GPI: variants seen among roughly 807,000 people sequenced by gnomAD.
GPI encodes D-hexose-6-phosphate anomerase.
In GPI, 56 loss-of-function variants were observed where a neutral mutation model predicts 75.8. The observed-to-expected ratio is 0.74, with a 90% CI of 0.60 to 0.92. The LOEUF (loss-of-function observed/expected upper bound fraction) is 0.92, where lower values mean the gene tolerates loss of function less well. Among genes scored for constraint, GPI ranks in the 40% least tolerant of loss-of-function variants. The pLI is 0.00. For synonymous variants in GPI, 288 were observed against 285.4 expected (o/e 1.01, Z -0.09); for missense variants, 638 against 741.0 (o/e 0.86, Z 1.61).
At chr19:34,376,184 G>T (rs1294132891) in intron 4 of GPI, among the ~76,000 whole-genome samples, 1 of 152,206 alleles carries the variant, frequency 6.6e-6, no homozygotes, top group East Asian at 1.9e-4. Context: ...AACACTTTGG[G>T]AGGTCAAGAT....
chr19:34,366,166 G>A (rs2074360966), intron 1 of GPI, 179 bp from the exon 2 acceptor site: 1 of 701,178 alleles, frequency 1.4e-6, no homozygotes, highest in East Asian at 2.7e-5. Context: ...CTGGGCTGCT[G>A]TTGCAGATCA....
intron 14 of GPI, chr19:34,398,275 G>A (rs2074972635): frequency 6.6e-6 from 1 of 151,980 alleles, no homozygotes; most frequent in African/African-American, 2.4e-5. Flanking sequence ...AGCTGCCCTC[G>A]AACTCCTTCA....
intron 4 of GPI, among the ~76,000 whole-genome samples, chr19:34,371,419 G>T (rs1455259968): frequency 1.2e-4 from 18 of 152,276 alleles, no homozygotes; most frequent in African/African-American, 4.1e-4. Flanking sequence ...GCACCAATAG[G>T]GATTAGGGAG....
At chr19:34,366,894 T>C (rs772559766) in intron 3 of GPI, 43 bp downstream of exon 3, 1 of 1,386,126 alleles carries the variant, frequency 7.2e-7, no homozygotes, top group Non-Finnish European at 1.0e-6. Flanking sequence ...CTTCCTTCCC[T>C]TTGGGGTTTA....
At chr19:34,360,931 C>T (rs956694079), upstream of GPI, among the ~76,000 whole-genome samples, 4 of 152,114 alleles carry the variant, frequency 2.6e-5, no homozygotes, top group Non-Finnish European at 4.4e-5. Context: ...GTGTCCGCCA[C>T]CACGCCTGGC....
chr19:34,398,431 G>C (rs2074974544), intron 14 of GPI: 1 of 152,052 alleles, frequency 6.6e-6, no homozygotes, highest in South Asian at 2.1e-4. Context: ...GGAACCCAAG[G>C]CTCTACTAGA....
upstream of GPI, among the ~76,000 whole-genome samples, chr19:34,363,606 G>C (rs1220914285): frequency 6.6e-6 from 1 of 152,192 alleles, no homozygotes; most frequent in Non-Finnish European, 1.5e-5. Context: ...CGGATAATGA[G>C]GTCAAGAGAT....
At chr19:34,378,021 A>G in intron 6 of GPI, 140 bp downstream of exon 6, 1 of 818,654 alleles carries the variant, frequency 1.2e-6, no homozygotes, top group Non-Finnish European at 2.1e-6. Context: ...AGGTCAGTAC[A>G]GCTGCCCTAG....
chr19:34,377,740 C>A lies in GPI; in HGVS notation c.492C>A (p.Pro164=). 1 of 1,613,996 alleles carries A rather than the reference C, an allele frequency of 6.2e-7. No homozygotes were observed. Among genetic ancestry groups the A allele is most frequent in the Non-Finnish European group, 8.5e-7 (1 of 1,179,936 alleles). Reference sequence around the variant, plus strand: ...GATGCTATGTCTCCCCGCAGGGACCCCTCATGGTGACTGAAGCCCTTAAGC... The same window carrying A: ...GATGCTATGTCTCCCCGCAGGGACCACTCATGGTGACTGAAGCCCTTAAGC... The part of the protein sequence containing the change: ...NIGIGGSDLG[P]LMVTEALKPY... Residue 164 remains proline, a synonymous_variant, in exon 6 of 18, where the codon CCC becomes CCA. Transcript: ENST00000356487.
chr19:34,392,775 C>A (rs2074882084), intron 9 of GPI: 1 of 251,038 alleles, frequency 4.0e-6, no homozygotes, highest in African/African-American at 2.2e-5. Context: ...GACCCTGGGT[C>A]TGTCCATATC....
intron 4 of GPI, among the ~76,000 whole-genome samples, chr19:34,370,910 G>A (rs552650991): frequency 5.9e-5 from 9 of 152,298 alleles, no homozygotes; most frequent in South Asian, 4.1e-4. Context: ...AGAGTGAGAC[G>A]CCTCCAGGGC....
chr19:34,374,372 G>T (rs971820337), intron 4 of GPI, among the ~76,000 whole-genome samples: 1 of 152,106 alleles, frequency 6.6e-6, no homozygotes, highest in East Asian at 1.9e-4. Context: ...TTAATGCCAG[G>T]AGACAAGGAC....
chr19:34,399,531 A>G lies in GPI; in HGVS notation c.1399-25A>G, dbSNP rs1034821792. 6 of 1,611,108 alleles carry G rather than the reference A, an allele frequency of 3.7e-6. 1 individual carries two copies. In the African/African-American group the frequency reaches 6.7e-5, roughly 18 times the overall value. ...GGTTTAGGGATCAGGACTCTCTTGG[A>G]GACATTCCTTGGTGTTTTCTGCAGG... On this transcript the variant is annotated intron_variant, in intron 15 of 17. Transcript: ENST00000356487.
At chr19:34,382,866 C>G (rs1342104446) in intron 9 of GPI, among the ~76,000 whole-genome samples, 1 of 152,174 alleles carries the variant, frequency 6.6e-6, no homozygotes, top group Non-Finnish European at 1.5e-5. Flanking sequence ...CCTCCTGGGC[C>G]AGGCTAGACA....
intron 9 of GPI, among the ~76,000 whole-genome samples, chr19:34,383,840 T>C (rs1599836363): frequency 6.6e-6 from 1 of 152,256 alleles, no homozygotes; most frequent in Non-Finnish European, 1.5e-5. Context: ...CAGACAGTGT[T>C]TGTCAACACT....
intron 14 of GPI, among the ~76,000 whole-genome samples, chr19:34,397,067 TC>T (rs2145430861): frequency 1.3e-5 from 2 of 152,024 alleles, no homozygotes; most frequent in East Asian, 3.9e-4. Context: ...TGCCTCGGCC[TC>T]CCTAAGTGCT....
intron 12 of GPI, among the ~76,000 whole-genome samples, chr19:34,394,568 T>G (rs2074917519): frequency 7.1e-5 from 1 of 14,182 alleles, no homozygotes; most frequent in South Asian, 1.8e-3. Context: ...CCTTTATCCC[T>G]CCAGAAAAGC....
intron 4 of GPI, among the ~76,000 whole-genome samples, chr19:34,372,604 T>A (rs1000952996): frequency 2.6e-5 from 4 of 152,150 alleles, no homozygotes; most frequent in African/African-American, 9.7e-5. Flanking sequence ...ATCATACTCC[T>A]ACATTCCAGG....
intron 1 of GPI, 27 bp downstream of exon 1, chr19:34,365,415 G>A: frequency 6.5e-7 from 1 of 1,545,402 alleles, no homozygotes. Flanking sequence ...GGCGGGGGCT[G>A]CCACGCGCGG....
Sources: allele counts gnomAD v4.1 joint callset (sites outside exome capture counted in the v4.1 genomes callset), GRCh38; gene constraint gnomAD v4.1.1; transcripts MANE v1.5; gene names NCBI Gene and HGNC (gene_info 2026-07-23, HGNC 2026-07-21).